HP1BP3: variants seen among roughly 807,000 people sequenced by gnomAD.
HP1BP3 encodes the protein heterochromatin protein 1 binding protein 3.
HP1BP3 carries 12 observed loss-of-function variants against 62.5 expected under a neutral mutation model. The ratio of observed to expected loss-of-function variants is 0.19; its 90% confidence interval spans 0.12 to 0.31. The LOEUF (loss-of-function observed/expected upper bound fraction) is 0.31, where lower values mean the gene tolerates loss of function less well. Ranked by LOEUF, HP1BP3 falls within the 10% of genes least tolerant of loss-of-function variation. HP1BP3 has a pLI of 1.00. For missense variants in HP1BP3, 502 were observed against 651.8 expected (o/e 0.77, Z 2.50); for synonymous variants, 260 against 237.8 (o/e 1.09, Z -0.86).
chr1:20,785,377 G>A (rs1319704437), intron 1 of HP1BP3, among the ~76,000 whole-genome samples: 1 of 152,176 alleles, frequency 6.6e-6, no homozygotes, highest in Admixed American at 6.5e-5. Flanking sequence ...GCATTTTAGG[G>A]AAAGCACTAT....
At chr1:20,769,646 T>C (rs1045867831) in intron 6 of HP1BP3, among the ~76,000 whole-genome samples, 2 of 152,186 alleles carry the variant, frequency 1.3e-5, no homozygotes, top group Admixed American at 6.5e-5. Context: ...CTCAAACTCC[T>C]GGCCTGAAGC....
At chr1:20,786,484 G>C (rs893959712) in intron 1 of HP1BP3, 1 of 152,484 alleles carries the variant, frequency 6.6e-6, no homozygotes, top group African/African-American at 2.4e-5. Context: ...GGAGAGCGCG[G>C]GCCGCCAGCG....
chr1:20,776,942 G>A (rs1243472309), intron 3 of HP1BP3, among the ~76,000 whole-genome samples, 192 bp from the exon 4 acceptor site: 6 of 152,064 alleles, frequency 3.9e-5, no homozygotes, highest in Non-Finnish European at 2.9e-5. Context: ...TGGTCAGGTG[G>A]TTATTTATCT....
intron 4 of HP1BP3, among the ~76,000 whole-genome samples, chr1:20,775,235 G>C (rs922004185): frequency 3.3e-5 from 5 of 152,084 alleles, no homozygotes; most frequent in African/African-American, 1.2e-4. Flanking sequence ...GCCTTGAGTG[G>C]GACAAGATCT....
Position 20,747,627 on chromosome 1 carries a change from T to C in HP1BP3, c.1170A>G (p.Lys390=). The C allele has an allele frequency of 1.9e-6, 3 of 1,613,548 alleles. No individual in the cohort carries two copies. The highest frequency in any genetic ancestry group is 1.7e-6 in the Non-Finnish European group (2 of 1,179,774). Residue 390 remains lysine (K), a synonymous_variant, in exon 11 of 13, where the codon AAA becomes AAG. Coordinates refer to ENST00000438032, the MANE Select transcript of HP1BP3 (RefSeq NM_001372052.1). ...GTTCCATCCACCCATTCTTTTCGCA[T>C]TTCTGCAGGGTTTTTTTCAGCAAAT... ...QMHLLKKTLQ[K]CEKNGWMEQI...
At chr1:20,756,851 G>T (rs910567857) in intron 9 of HP1BP3, among the ~76,000 whole-genome samples, 1 of 152,046 alleles carries the variant, frequency 6.6e-6, no homozygotes, top group African/African-American at 2.4e-5. Flanking sequence ...AAGTAGTTGG[G>T]ACCACAGGCA....
intron 8 of HP1BP3, among the ~76,000 whole-genome samples, chr1:20,760,221 G>A (rs1414202579): frequency 6.6e-6 from 1 of 152,060 alleles, no homozygotes; most frequent in Non-Finnish European, 1.5e-5. Context: ...ACGGGATTGG[G>A]AAGACACTGA....
At chr1:20,758,578 C>T (rs1157543787) in intron 8 of HP1BP3, among the ~76,000 whole-genome samples, 9 of 151,882 alleles carry the variant, frequency 5.9e-5, no homozygotes, top group African/African-American at 1.9e-4. Flanking sequence ...GATCTTCCGA[C>T]CTCATGATCT....
intron 10 of HP1BP3, among the ~76,000 whole-genome samples, chr1:20,748,309 T>C (rs2055471995): frequency 1.3e-5 from 2 of 152,214 alleles, no homozygotes; most frequent in African/African-American, 4.8e-5. Flanking sequence ...ATATCATGGT[T>C]CCTGAAGTCC....
intron 3 of HP1BP3, among the ~76,000 whole-genome samples, chr1:20,777,984 G>C (rs1470167874): frequency 2.6e-5 from 4 of 152,106 alleles, no homozygotes; most frequent in Non-Finnish European, 5.9e-5. Flanking sequence ...ACAATAAAAT[G>C]TATTTTTCAT....
At chr1:20,773,833 G>T (rs1052713865) in intron 4 of HP1BP3, 1 of 362,686 alleles carries the variant, frequency 2.8e-6, no homozygotes, top group Non-Finnish European at 4.9e-6. Flanking sequence ...GCAGGAGAAA[G>T]GAGTCACATA....
chr1:20,747,657 T>C lies in HP1BP3; in HGVS notation c.1142-2A>G. 1 of 1,588,956 alleles carries C rather than the reference T, an allele frequency of 6.3e-7. No homozygotes were observed. Among genetic ancestry groups the C allele is most frequent in the Non-Finnish European group, 8.6e-7 (1 of 1,163,190 alleles). On this transcript the variant is annotated splice_acceptor_variant, in intron 10 of 12. Transcript: ENST00000438032. LOFTEE classifies it high-confidence loss of function. ...GCAGGGTTTTTTTCAGCAAATGCAC[T>C]GAAAAAAAAAATTCAGAAATGAAAG...
chr1:20,775,479 AAGTTTTTAAAAATAAAAACTTTTT>A (rs1313907267), intron 4 of HP1BP3: 3 of 152,222 alleles, frequency 2.0e-5, no homozygotes, highest in Non-Finnish European at 4.4e-5. Context: ...AAAGTTTTAA[AAGTTTTTAAAAATAAAAACTTTTT>A]AGTTTTAAAA....
chr1:20,784,564 C>T (rs1402822672), intron 1 of HP1BP3, among the ~76,000 whole-genome samples: 2 of 151,250 alleles, frequency 1.3e-5, no homozygotes, highest in Non-Finnish European at 2.9e-5. Flanking sequence ...CTGCAACCTC[C>T]CCTCCCGGTT....
intron 9 of HP1BP3, among the ~76,000 whole-genome samples, chr1:20,752,062 C>A (rs1459667648): frequency 6.6e-6 from 1 of 151,922 alleles, no homozygotes; most frequent in Admixed American, 6.6e-5. Context: ...GAGCTCAAGA[C>A]CAGCCTGGCC....
intron 9 of HP1BP3, among the ~76,000 whole-genome samples, chr1:20,752,902 T>C (rs965886140): frequency 6.6e-6 from 1 of 152,164 alleles, no homozygotes; most frequent in African/African-American, 2.4e-5. Context: ...ACTTGTGTAA[T>C]TGTTAAAGTT....
Position 20,744,562 on chromosome 1 carries a change from T to TC in HP1BP3, c.*234_*235insG. 1 of 494,150 alleles carries TC rather than the reference T, an allele frequency of 2.0e-6. No individual in the cohort carries two copies. The highest frequency in any genetic ancestry group is 3.6e-5 in the East Asian group (1 of 27,446). The allele number at this position is 494,150 out of a possible 1,614,324, so 30.6% of individuals were successfully genotyped here. ...AAGGACAAGTATACATTACATAGTTTAGGAAAGTCCAGGATTATTGCAGAA... is the reference window on the plus strand; with the variant it reads ...AAGGACAAGTATACATTACATAGTTTCAGGAAAGTCCAGGATTATTGCAGAA... On this transcript the variant is annotated 3_prime_UTR_variant, in exon 13 of 13. Transcript: ENST00000438032.
chr1:20,782,719 G>A (rs2057619782), intron 1 of HP1BP3, among the ~76,000 whole-genome samples: 1 of 151,830 alleles, frequency 6.6e-6, no homozygotes, highest in Admixed American at 6.6e-5. Context: ...GGCCAGTATG[G>A]TGAAACCCCG....
chr1:20,764,943 T>A (rs1284704971), intron 8 of HP1BP3, among the ~76,000 whole-genome samples: 3 of 150,364 alleles, frequency 2.0e-5, no homozygotes, highest in Non-Finnish European at 4.4e-5. Flanking sequence ...CCGAGGCAGG[T>A]GGATCACTTG....
Sources: gnomAD v4.1 joint callset for allele counts (sites outside exome capture counted in the v4.1 genomes callset) on GRCh38, gnomAD v4.1.1 for gene constraint, MANE v1.5 for transcripts, NCBI Gene and HGNC (gene_info 2026-07-23, HGNC 2026-07-21) for gene names.